The following BICD1 variants were observed in gnomAD, a reference collection of about 807,000 sequenced individuals.
BICD1 encodes BICD cargo adaptor 1.
In BICD1, 35 loss-of-function variants were observed where a neutral mutation model predicts 92.5. The ratio of observed to expected loss-of-function variants is 0.38; its 90% CI spans 0.29 to 0.50. The LOEUF (loss-of-function observed/expected upper bound fraction) is 0.50, where lower values mean the gene tolerates loss of function less well. BICD1 is among the 20% of genes least tolerant of loss of function. The pLI is 0.93. For synonymous variants in BICD1, 429 were observed against 465.1 expected, an observed-to-expected ratio of 0.92 and a Z score of 1.00; for missense variants, 950 against 1,189.8, an observed-to-expected ratio of 0.80 and a Z score of 2.97.
intron 1 of BICD1, among the ~76,000 whole-genome samples, chr12:32,211,437 G>T (rs1222971626): frequency 2.6e-5 from 4 of 152,048 alleles, no homozygotes; most frequent in African/African-American, 9.7e-5. Flanking sequence ...TCTATTCTGG[G>T]TCTACATCTG....
chr12:32,116,500 CTCTCTCTCTCTATA>C (rs1376986278), intron 1 of BICD1, among the ~76,000 whole-genome samples: 4 of 73,560 alleles, frequency 5.4e-5, no homozygotes, highest in East Asian at 3.8e-4. Context: ...CTTTCTCTCT[CTCTCTCTCTCTATA>C]TATATATATA....
Position 32,123,610 on chromosome 12 carries a change from C to T in BICD1, c.213+16066C>T, listed in dbSNP as rs542439465. On this transcript the variant is annotated intron_variant, in intron 1 of 9. Transcript: ENST00000652176. ...AGCCAGTTGTGGTCGGGCACAGTGG[C>T]GCACGCCGGTAATCCCAGCAGTTTG... 2.4e-4 allele frequency among the ~76,000 whole-genome samples: 37 copies of T among 152,270 alleles called. 1 individual carries two copies. The highest frequency in any genetic ancestry group is 7.9e-4 in the African/African-American group (33 of 41,552).
At chr12:32,150,634 GT>G (rs1439907475) in intron 1 of BICD1, among the ~76,000 whole-genome samples, 7 of 152,176 alleles carry the variant, frequency 4.6e-5, no homozygotes, top group Non-Finnish European at 7.3e-5. Context: ...CTATAGACGG[GT>G]AACTTCCAGG....
intron 5 of BICD1, among the ~76,000 whole-genome samples, chr12:32,334,076 A>C (rs1937994586): frequency 6.6e-6 from 1 of 152,204 alleles, no homozygotes; most frequent in African/African-American, 2.4e-5. Context: ...CCCACAGAGC[A>C]CAGGTGACAA....
intron 1 of BICD1, among the ~76,000 whole-genome samples, chr12:32,152,047 C>G (rs112645663): frequency 6.6e-6 from 1 of 152,064 alleles, no homozygotes; most frequent in African/African-American, 2.4e-5. Flanking sequence ...ACCTCTGCCT[C>G]CCGGGTTCAC....
chr12:32,246,314 A>C (rs1421469709), intron 2 of BICD1, among the ~76,000 whole-genome samples: 1 of 148,766 alleles, frequency 6.7e-6, no homozygotes, highest in Non-Finnish European at 1.5e-5. Context: ...CATCAGGAAA[A>C]AAAAAAAAAA....
At chr12:32,241,069 T>C (rs1377904253) in intron 2 of BICD1, among the ~76,000 whole-genome samples, 2 of 152,130 alleles carry the variant, frequency 1.3e-5, no homozygotes, top group Non-Finnish European at 2.9e-5. Context: ...GATGGGCAAA[T>C]CCACCATTAA....
At position 32,380,744 on chromosome 12, in the gene BICD1, G is replaced by C. The variant is rs1409541329; in HGVS notation, c.*3117G>C. On this transcript the variant is annotated 3_prime_UTR_variant, in exon 10 of 10. Transcript: ENST00000652176. ...TAATTTGGAGAACTTTGAGAAAAAGGAAAACTGTTAAATAAGAAAAGACCT... is the reference window on the plus strand; with the variant it reads ...TAATTTGGAGAACTTTGAGAAAAAGCAAAACTGTTAAATAAGAAAAGACCT... The C allele has an allele frequency of 6.6e-6, 1 of 152,018 alleles. No individual in the cohort carries two copies. The highest frequency in any genetic ancestry group is 1.5e-5 in the Non-Finnish European group (1 of 67,962). The allele number at this position is 152,018 out of a possible 1,614,324, so 9.4% of individuals were successfully genotyped here. A position where few individuals can be genotyped will look rare whatever the true frequency, so the allele number is the denominator to read the frequency against.
chr12:32,367,857 T>C, intron 9 of BICD1, 112 bp downstream of exon 9: 1 of 989,796 alleles, frequency 1.0e-6, no homozygotes, highest in Non-Finnish European at 1.6e-6. Flanking sequence ...TGCTGTATTT[T>C]ATTTCAAGTG....
intron 4 of BICD1, among the ~76,000 whole-genome samples, chr12:32,320,885 C>T (rs572339141): frequency 6.6e-6 from 1 of 152,232 alleles, no homozygotes; most frequent in Non-Finnish European, 1.5e-5. Context: ...CAACTATTCT[C>T]AGTCACTACA....
intron 2 of BICD1, among the ~76,000 whole-genome samples, chr12:32,241,201 T>G (rs1474268878): frequency 6.6e-6 from 1 of 152,228 alleles, no homozygotes; most frequent in African/African-American, 2.4e-5. Context: ...CTGTGCTGTA[T>G]TTTAATTGGC....
At chr12:32,343,318 CTCCTCCTCCGTCCCCTCTTCCTCT>C (rs988932588) in intron 8 of BICD1, among the ~76,000 whole-genome samples, 10 of 151,862 alleles carry the variant, frequency 6.6e-5, no homozygotes, top group South Asian at 2.1e-4. Context: ...TATCCTTCTC[CTCCTCCTCCGTCCCCTCTTCCTCT>C]TCCTCCTCCG....
intron 8 of BICD1, among the ~76,000 whole-genome samples, chr12:32,342,128 A>ATATATATGTGTGTG (rs1555170776): frequency 7.8e-5 from 8 of 102,750 alleles, no homozygotes; most frequent in East Asian, 6.8e-4. Flanking sequence ...ATATATATGT[A>ATATATATGTGTGTG]TATATATATG....
At chr12:32,155,034 CTT>C (rs5797458) in intron 1 of BICD1, among the ~76,000 whole-genome samples, 3 of 150,754 alleles carry the variant, frequency 2.0e-5, no homozygotes, top group African/African-American at 4.9e-5. Flanking sequence ...TGAAGTGCTG[CTT>C]TTTTTTTTCA....
intron 2 of BICD1, among the ~76,000 whole-genome samples, chr12:32,257,211 CAAAAAA>C (rs35294412): frequency 6.4e-5 from 5 of 78,274 alleles, no homozygotes; most frequent in Admixed American, 1.7e-4. Flanking sequence ...GACTCTGTCT[CAAAAAA>C]AAAAAAAAAA....
intron 2 of BICD1, among the ~76,000 whole-genome samples, chr12:32,276,790 C>T (rs1218513779): frequency 1.3e-5 from 2 of 152,082 alleles, no homozygotes; most frequent in Non-Finnish European, 2.9e-5. Flanking sequence ...AAAAAACTGC[C>T]TCTTTTCTAA....
intron 1 of BICD1, among the ~76,000 whole-genome samples, chr12:32,192,381 C>G (rs1328879739): frequency 6.7e-6 from 1 of 148,318 alleles, no homozygotes; most frequent in Non-Finnish European, 1.5e-5. Context: ...TTGCAGTGAG[C>G]TAAGATCGTG....
chr12:32,266,815 G>A (rs1355065730), intron 2 of BICD1, among the ~76,000 whole-genome samples: 3 of 149,486 alleles, frequency 2.0e-5, no homozygotes, highest in Non-Finnish European at 4.4e-5. Flanking sequence ...CCAAGATCAC[G>A]TCACCGCACT....
intron 4 of BICD1, among the ~76,000 whole-genome samples, chr12:32,309,588 G>A (rs1385184037): frequency 6.6e-6 from 1 of 152,104 alleles, no homozygotes; most frequent in East Asian, 1.9e-4. Context: ...GGGAGTTTAG[G>A]ACTGTCTGAA....
Sources: gnomAD v4.1 joint callset for allele counts (sites outside exome capture counted in the v4.1 genomes callset) on GRCh38, gnomAD v4.1.1 for gene constraint, MANE v1.5 for transcripts, NCBI Gene and HGNC (gene_info 2026-07-23, HGNC 2026-07-21) for gene names.